FRMD4A: variants seen among roughly 807,000 people sequenced by gnomAD.
FRMD4A encodes the protein FERM domain-containing protein 4A.
FRMD4A carries 29 observed loss-of-function variants against 129.1 expected under a neutral mutation model. The ratio of observed to expected loss-of-function variants is 0.22; its 90% CI spans 0.17 to 0.31. FRMD4A has a LOEUF of 0.31. FRMD4A is among the 10% of genes least tolerant of loss of function. The pLI, the probability that FRMD4A is intolerant of heterozygous loss-of-function variation, is 1.00. For missense variants in FRMD4A, 1,272 were observed against 1,375.8 expected (o/e 0.92, Z 1.19); for synonymous variants, 634 against 571.6 (o/e 1.11, Z -1.56).
chr10:13,856,056 A>G (rs1436125516), intron 3 of FRMD4A, among the ~76,000 whole-genome samples: 2 of 151,668 alleles, frequency 1.3e-5, no homozygotes, highest in South Asian at 2.1e-4. Context: ...CTATCTATCT[A>G]TCTATGTATA....
intron 2 of FRMD4A, among the ~76,000 whole-genome samples, chr10:14,165,941 C>T (rs1196435574): frequency 6.6e-6 from 1 of 151,966 alleles, no homozygotes; most frequent in African/African-American, 2.4e-5. Context: ...CAACAGAAGC[C>T]CAAACCTTAG....
intron 2 of FRMD4A, among the ~76,000 whole-genome samples, chr10:14,307,019 T>C (rs1225611091): frequency 6.6e-6 from 1 of 152,192 alleles, no homozygotes; most frequent in African/African-American, 2.4e-5. Context: ...ACCAGGGACA[T>C]GCAAAACATA....
At chr10:13,884,128 ACACG>A (rs2094579465) in intron 2 of FRMD4A, among the ~76,000 whole-genome samples, 3 of 58,318 alleles carry the variant, frequency 5.1e-5, no homozygotes, top group Admixed American at 1.6e-4. Flanking sequence ...ACACTCACAC[ACACG>A]CTCACACACA....
chr10:14,225,262 T>G (rs1341831914), intron 2 of FRMD4A, among the ~76,000 whole-genome samples: 1 of 152,190 alleles, frequency 6.6e-6, no homozygotes, highest in African/African-American at 2.4e-5. Context: ...TGGTGAAACC[T>G]CATCCCCAAC....
At chr10:13,761,441 T>C (rs1467070881) in intron 8 of FRMD4A, among the ~76,000 whole-genome samples, 3 of 152,262 alleles carry the variant, frequency 2.0e-5, no homozygotes, top group African/African-American at 7.2e-5. Context: ...GGGCTTTGCA[T>C]GTAGTGGAGA....
intron 4 of FRMD4A, among the ~76,000 whole-genome samples, chr10:13,801,841 C>A (rs1272958114): frequency 6.6e-6 from 1 of 152,164 alleles, no homozygotes; most frequent in Non-Finnish European, 1.5e-5. Context: ...CTCCCTCAAA[C>A]CTTTTATGTT....
intron 2 of FRMD4A, among the ~76,000 whole-genome samples, chr10:13,976,738 A>T (rs1159795273): frequency 6.6e-6 from 1 of 152,236 alleles, no homozygotes; most frequent in Non-Finnish European, 1.5e-5. Flanking sequence ...TAGCAACTAA[A>T]GAAATATGTT....
chr10:13,918,837 T>G (rs1175168580), intron 2 of FRMD4A, among the ~76,000 whole-genome samples: 3 of 151,776 alleles, frequency 2.0e-5, no homozygotes, highest in Non-Finnish European at 4.4e-5. Context: ...CAGTCAATAC[T>G]GTTATAAAAC....
At chr10:14,298,889 T>A (rs566302648) in intron 2 of FRMD4A, among the ~76,000 whole-genome samples, 1 of 152,174 alleles carries the variant, frequency 6.6e-6, no homozygotes, top group East Asian at 1.9e-4. Flanking sequence ...CCTTTCCGGA[T>A]TGAAGCAGGA....
intron 2 of FRMD4A, among the ~76,000 whole-genome samples, chr10:13,959,895 CAA>C (rs1176495512): frequency 6.6e-6 from 1 of 152,144 alleles, no homozygotes; most frequent in Admixed American, 6.5e-5. Context: ...TCTATTTGGC[CAA>C]GAGAGAACAC....
intron 2 of FRMD4A, among the ~76,000 whole-genome samples, chr10:14,070,357 A>G (rs1835262144): frequency 6.6e-6 from 1 of 152,142 alleles, no homozygotes; most frequent in Non-Finnish European, 1.5e-5. Context: ...ACACTCCAAA[A>G]TGACAACCTC....
intron 2 of FRMD4A, among the ~76,000 whole-genome samples, chr10:13,943,378 G>C (rs543151216): frequency 6.6e-6 from 1 of 151,912 alleles, no homozygotes; most frequent in African/African-American, 2.4e-5. Flanking sequence ...GGCCAGGTGC[G>C]GTGATTCACG....
chr10:14,273,892 T>C (rs1845249566), intron 2 of FRMD4A, among the ~76,000 whole-genome samples: 1 of 152,220 alleles, frequency 6.6e-6, no homozygotes, highest in Non-Finnish European at 1.5e-5. Context: ...TGCAGGGCAC[T>C]GTGCTGGAAT....
At chr10:13,659,521 G>A (rs1564538685) in intron 20 of FRMD4A, 31 bp from the exon 21 acceptor site, 3 of 1,597,842 alleles carry the variant, frequency 1.9e-6, no homozygotes, top group East Asian at 2.2e-5. Context: ...CGTGGTCACC[G>A]CCAGACAGAC....
intron 12 of FRMD4A, chr10:13,707,483 A>G (rs1357036895): frequency 1.2e-5 from 12 of 1,015,056 alleles, no homozygotes; most frequent in Non-Finnish European, 1.4e-5. Context: ...GGGACCCAGC[A>G]GGGAAGGCGG....
At chr10:14,063,837 G>A (rs181500942) in intron 2 of FRMD4A, among the ~76,000 whole-genome samples, 4 of 152,052 alleles carry the variant, frequency 2.6e-5, no homozygotes, top group Non-Finnish European at 5.9e-5. Flanking sequence ...CAAAACATGC[G>A]AATTAACTCT....
chr10:13,761,122 G>T (rs1161435891), intron 8 of FRMD4A, among the ~76,000 whole-genome samples: 1 of 152,184 alleles, frequency 6.6e-6, no homozygotes, highest in East Asian at 1.9e-4. Flanking sequence ...CCCAGTAGTT[G>T]TCTGTTTATG....
intron 20 of FRMD4A, 23 bp downstream of exon 20, chr10:13,660,293 G>T: frequency 1.4e-6 from 2 of 1,471,910 alleles, no homozygotes; most frequent in Non-Finnish European, 1.9e-6. Flanking sequence ...GCCTCATTTG[G>T]CCTCATTCAC....
chr10:13,775,735 A>G (rs929725742), intron 6 of FRMD4A, among the ~76,000 whole-genome samples: 1 of 152,188 alleles, frequency 6.6e-6, no homozygotes, highest in Non-Finnish European at 1.5e-5. Flanking sequence ...GAGGAGTCTA[A>G]GAGGGAGGTC....
Sources: allele counts gnomAD v4.1 joint callset (sites outside exome capture counted in the v4.1 genomes callset), GRCh38; gene constraint gnomAD v4.1.1; transcripts MANE v1.5; gene names NCBI Gene and HGNC (gene_info 2026-07-23, HGNC 2026-07-21).